The following SMIM13 variants were observed in gnomAD, a reference collection of about 807,000 sequenced individuals.
SMIM13 encodes UPF0766 protein C6orf228.
SMIM13 carries 3 observed loss-of-function variants against 5.9 expected under a neutral mutation model. The ratio of observed to expected loss-of-function variants is 0.51; its 90% CI spans 0.23 to 1.31. SMIM13 has a LOEUF of 1.31. Ranked by LOEUF, SMIM13 falls within the 40% of genes most tolerant of loss-of-function variation. The probability of loss-of-function intolerance (pLI) is 0.18; values close to 1 mark genes in which losing one functional copy is unlikely to be tolerated. For missense variants in SMIM13, 85 were observed against 109.9 expected (o/e 0.77, Z 1.01); for synonymous variants, 55 against 46.0 (o/e 1.19, Z -0.79).
At position 11,099,336 on chromosome 6, in the gene SMIM13, G is replaced by A. The variant is rs185026118; in HGVS notation, c.76+4947G>A. On this transcript the variant is annotated intron_variant, in intron 1 of 1. Transcript: ENST00000416247. ...ATTATAGGCGCCCGCCACCACACCCGGCTGGTTTTTGTATTTTTAGTAGCG... is the reference window on the plus strand; with the variant it reads ...ATTATAGGCGCCCGCCACCACACCCAGCTGGTTTTTGTATTTTTAGTAGCG... Among the ~76,000 whole-genome samples, 6 of 152,158 alleles carry A rather than the reference G, an allele frequency of 3.9e-5. No homozygotes were observed. The East Asian group carries it at 9.7e-4, about 24-fold the overall frequency.
In SMIM13 at chr6:11,121,121, C is replaced by T. The variant is rs529682741; in HGVS notation, c.77-13282C>T. Among the ~76,000 whole-genome samples the T allele has an allele frequency of 2.7e-4, 41 of 152,336 alleles. 1 individual carries two copies. The highest frequency in any genetic ancestry group is 6.8e-3 in the Middle Eastern group (2 of 294). ...CACCCTCTATTGCTGATTAGTTATTCTGGCATACAATGCGATACTGAAGCA... is the reference window on the plus strand; with the variant it reads ...CACCCTCTATTGCTGATTAGTTATTTTGGCATACAATGCGATACTGAAGCA... On this transcript the variant is annotated intron_variant, in intron 1 of 1. Coordinates refer to ENST00000416247, the MANE Select transcript of SMIM13 (RefSeq NM_001135575.2).
At chr6:11,104,909 T>G in intron 1 of SMIM13, 1 of 1,614,242 alleles carries the variant, frequency 6.2e-7, no homozygotes, top group Non-Finnish European at 8.5e-7. Flanking sequence ...CTACATTTGT[T>G]CCATTTTTCC....
chr6:11,103,839 A>T, intron 1 of SMIM13: 1 of 1,551,714 alleles, frequency 6.4e-7, no homozygotes, highest in Non-Finnish European at 8.7e-7. Flanking sequence ...TAGGAGACTA[A>T]CAAGTGGGCC....
intron 1 of SMIM13, among the ~76,000 whole-genome samples, chr6:11,131,055 G>A (rs902682902): frequency 2.0e-5 from 3 of 152,074 alleles, no homozygotes; most frequent in African/African-American, 4.8e-5. Context: ...GTGAGTTCTT[G>A]TAATATTACA....
At chr6:11,104,059 G>A (rs1047690794) in intron 1 of SMIM13, 5 of 1,551,604 alleles carry the variant, frequency 3.2e-6, no homozygotes, top group Middle Eastern at 1.7e-4. Flanking sequence ...TCTAGTCCTC[G>A]ACGATTTTGA....
intron 1 of SMIM13, among the ~76,000 whole-genome samples, chr6:11,120,577 A>G (rs760084996): frequency 8.5e-5 from 13 of 152,248 alleles, no homozygotes; most frequent in Non-Finnish European, 1.8e-4. Context: ...AAATTTCAAT[A>G]TATGAATTTT....
At chr6:11,133,725 A>G (rs1389981808) in intron 1 of SMIM13, among the ~76,000 whole-genome samples, 1 of 150,034 alleles carries the variant, frequency 6.7e-6, no homozygotes, top group Non-Finnish European at 1.5e-5. Context: ...TACTCCTTGC[A>G]AAAACAAAAC....
intron 1 of SMIM13, among the ~76,000 whole-genome samples, chr6:11,125,356 G>T (rs1295870295): frequency 6.6e-6 from 1 of 151,020 alleles, no homozygotes; most frequent in Admixed American, 6.6e-5. Context: ...AGCACTTTGG[G>T]AGGCCAAGGC....
Position 11,100,673 on chromosome 6 carries a change from C to T in SMIM13, c.76+6284C>T, listed in dbSNP as rs142106254. Among the ~76,000 whole-genome samples the T allele has an allele frequency of 1.4e-4, 21 of 152,172 alleles. No homozygotes were observed. In the East Asian group the frequency reaches 4.0e-3, roughly 29 times the overall value. On this transcript the variant is annotated intron_variant, in intron 1 of 1. Transcript: ENST00000416247. ...AAATTTTTTTTTGAGCTAATGCATA[C>T]CTGAAAATGTCTCTATTTATTTATA...
chr6:11,104,626 G>A, intron 1 of SMIM13: 8 of 1,614,204 alleles, frequency 5.0e-6, no homozygotes, highest in Non-Finnish European at 6.8e-6. Flanking sequence ...TGGTCCAATA[G>A]AACCCATTCC....
intron 1 of SMIM13, among the ~76,000 whole-genome samples, chr6:11,110,068 A>G (rs775287935): frequency 6.6e-6 from 1 of 152,142 alleles, no homozygotes; most frequent in Non-Finnish European, 1.5e-5. Context: ...TTGAGGCACA[A>G]TTACCCGTTT....
intron 1 of SMIM13, among the ~76,000 whole-genome samples, chr6:11,094,609 C>G (rs1207429060): frequency 3.3e-5 from 5 of 152,192 alleles, no homozygotes. Flanking sequence ...GGACAGGCTC[C>G]AGGGCTTCCT....
intron 1 of SMIM13, among the ~76,000 whole-genome samples, chr6:11,108,535 CCTT>C (rs1419470924): frequency 2.6e-5 from 4 of 152,148 alleles, no homozygotes; most frequent in Admixed American, 1.3e-4. Context: ...TTGGGCACTG[CCTT>C]CTTGTGTGGC....
intron 1 of SMIM13, chr6:11,103,554 G>A: frequency 3.9e-6 from 5 of 1,278,430 alleles, no homozygotes; most frequent in Non-Finnish European, 5.2e-6. Flanking sequence ...TGGTTGTTCT[G>A]TGGGTCTTGG....
chr6:11,101,648 T>A (rs568964952), intron 1 of SMIM13, among the ~76,000 whole-genome samples: 1 of 152,266 alleles, frequency 6.6e-6, no homozygotes, highest in Admixed American at 6.5e-5. Context: ...CTCATGCTGA[T>A]TTGATTCCTC....
At chr6:11,125,886 TTC>T (rs1758370824) in intron 1 of SMIM13, among the ~76,000 whole-genome samples, 1 of 152,156 alleles carries the variant, frequency 6.6e-6, no homozygotes, top group Non-Finnish European at 1.5e-5. Flanking sequence ...GTTTGAGAAA[TTC>T]TCTGTTATCT....
chr6:11,117,843 G>A (rs962543182), intron 1 of SMIM13, among the ~76,000 whole-genome samples: 34 of 151,772 alleles, frequency 2.2e-4, no homozygotes, highest in Admixed American at 2.1e-3. Context: ...TCCGCCTCCC[G>A]GATTCAAGCG....
chr6:11,097,101 G>A (rs1473987354), intron 1 of SMIM13, among the ~76,000 whole-genome samples: 1 of 152,158 alleles, frequency 6.6e-6, no homozygotes, highest in East Asian at 1.9e-4. Context: ...ACCTCCCAAA[G>A]TGCTGGGATT....
In SMIM13 at chr6:11,123,471, A is replaced by G. The variant is rs559633866; in HGVS notation, c.77-10932A>G. ...AGATGAACTATGTGTGTGACTTTCTATTTCGTGTTATATTTGTCATAAGAT... is the reference window on the plus strand; with the variant it reads ...AGATGAACTATGTGTGTGACTTTCTGTTTCGTGTTATATTTGTCATAAGAT... On this transcript the variant is annotated intron_variant, in intron 1 of 1. Coordinates refer to ENST00000416247, the MANE Select transcript of SMIM13 (RefSeq NM_001135575.2). Among the ~76,000 whole-genome samples, 11 of 152,300 alleles carry G rather than the reference A, an allele frequency of 7.2e-5. No homozygotes were observed. In the East Asian group the frequency reaches 7.7e-4, roughly 11 times the overall value.
Sources: gnomAD v4.1 joint callset for allele counts (sites outside exome capture counted in the v4.1 genomes callset) on GRCh38, gnomAD v4.1.1 for gene constraint, MANE v1.5 for transcripts, NCBI Gene and HGNC (gene_info 2026-07-23, HGNC 2026-07-21) for gene names.